The following PTPRD variants were observed in gnomAD, a reference collection of about 807,000 sequenced individuals.
PTPRD encodes protein tyrosine phosphatase receptor type D, also known as receptor-type tyrosine-protein phosphatase delta.
A neutral mutation model predicts 214.5 loss-of-function variants in PTPRD; 34 were observed. That is an observed-to-expected ratio of 0.16 (90% CI 0.12 to 0.21). The LOEUF is 0.21. Ranked by LOEUF, PTPRD falls within the 10% of genes least tolerant of loss-of-function variation. PTPRD has a pLI of 1.00. For synonymous variants in PTPRD, 1,128 were observed against 845.7 expected (o/e 1.33, Z -5.79); for missense variants, 2,545 against 2,398.7 (o/e 1.06, Z -1.27).
chr9:8,880,329 A>T (rs899644359), intron 11 of PTPRD, among the ~76,000 whole-genome samples: 3 of 152,158 alleles, frequency 2.0e-5, no homozygotes, highest in Non-Finnish European at 4.4e-5. Context: ...GGTTTTTCTG[A>T]GGAAGGCTTC....
rs1326721044 is a variant in PTPRD, at chr9:9,998,121, A to ATATAT, written c.-472+35596_-472+35597insATATA. Among the ~76,000 whole-genome samples the ATATAT allele has an allele frequency of 2.1e-3, 104 of 50,236 alleles. No homozygotes were observed. In the South Asian group the frequency reaches 0.022, roughly 10 times the overall value. The allele number at this position is 50,236 out of a possible 152,430, so 33.0% of individuals were successfully genotyped here. On this transcript the variant is annotated intron_variant, in intron 4 of 45. Transcript: ENST00000381196. ...CCTAGAACTTAAAGTATAATAAAAA[A>ATATAT]AAAAAAAAATATATATATATATATA...
intron 2 of PTPRD, among the ~76,000 whole-genome samples, chr9:10,428,412 T>C (rs2154519708): frequency 6.6e-6 from 1 of 151,768 alleles, no homozygotes; most frequent in Non-Finnish European, 1.5e-5. Flanking sequence ...CTGTTTAAAA[T>C]TAATAAGCTA....
At chr9:9,416,179 T>A (rs1305021675) in intron 8 of PTPRD, among the ~76,000 whole-genome samples, 2 of 152,148 alleles carry the variant, frequency 1.3e-5, no homozygotes, top group Admixed American at 6.5e-5. Flanking sequence ...TGAATCAACT[T>A]CCCAACTCAT....
intron 7 of PTPRD, among the ~76,000 whole-genome samples, chr9:9,713,380 A>G (rs917445948): frequency 5.9e-5 from 9 of 152,212 alleles, no homozygotes; most frequent in Admixed American, 2.0e-4. Context: ...TCGTCCTCTT[A>G]GATATCTAGA....
intron 2 of PTPRD, among the ~76,000 whole-genome samples, chr9:10,465,032 TAA>T (rs946029203): frequency 1.3e-5 from 2 of 152,158 alleles, no homozygotes; most frequent in African/African-American, 4.8e-5. Flanking sequence ...CCTGCTAATT[TAA>T]AAGACAGAGC....
At position 8,777,432 on chromosome 9, in the gene PTPRD, C is replaced by T. The variant is rs1167208493; in HGVS notation, c.-103-43486G>A. Among the ~76,000 whole-genome samples, 5 of 152,038 alleles carry T rather than the reference C, an allele frequency of 3.3e-5. No individual in the cohort carries two copies. In the East Asian group the frequency reaches 5.8e-4, roughly 18 times the overall value. ...AGTAGTTAACAGCAAGACATTTTTA[C>T]GTAATTTTGAAAGTAGTTGCCATAC... is the stretch of plus-strand genomic sequence containing the variant. On this transcript the variant is annotated intron_variant, in intron 11 of 45. Transcript: ENST00000381196.
intron 2 of PTPRD, among the ~76,000 whole-genome samples, chr9:10,508,141 G>A (rs1051851387): frequency 2.0e-5 from 3 of 152,184 alleles, no homozygotes; most frequent in African/African-American, 7.2e-5. Context: ...TGAAGGATAT[G>A]AACAGACACT....
intron 3 of PTPRD, among the ~76,000 whole-genome samples, chr9:10,194,111 A>T (rs2099386249): frequency 6.6e-6 from 1 of 152,026 alleles, no homozygotes; most frequent in Admixed American, 6.6e-5. Context: ...ACAATTTTGG[A>T]GGAATAAAAT....
intron 2 of PTPRD, among the ~76,000 whole-genome samples, chr9:10,408,439 A>C (rs2098399400): frequency 6.6e-6 from 1 of 151,708 alleles, no homozygotes; most frequent in Non-Finnish European, 1.5e-5. Flanking sequence ...GTAAATTTCA[A>C]AGATGGTGCA....
chr9:10,104,738 C>T (rs1032656529), intron 3 of PTPRD, among the ~76,000 whole-genome samples: 3 of 151,790 alleles, frequency 2.0e-5, no homozygotes, highest in Non-Finnish European at 2.9e-5. Context: ...AAAGTCAATA[C>T]AGTAAAATGG....
At chr9:8,888,459 T>C (rs767962179) in intron 11 of PTPRD, among the ~76,000 whole-genome samples, 66 of 152,060 alleles carry the variant, frequency 4.3e-4, no homozygotes, top group Non-Finnish European at 7.6e-4. Flanking sequence ...AAAGGTAACA[T>C]GAAATAAACT....
At chr9:9,636,727 T>C (rs1393779066) in intron 7 of PTPRD, among the ~76,000 whole-genome samples, 2 of 152,238 alleles carry the variant, frequency 1.3e-5, no homozygotes, top group Non-Finnish European at 2.9e-5. Flanking sequence ...AAGATTTCAA[T>C]ATATTTAGTT....
At chr9:9,328,618 C>CTCTTTTTTTTTTTTT (rs2041038801) in intron 9 of PTPRD, among the ~76,000 whole-genome samples, 1 of 28,214 alleles carries the variant, frequency 3.5e-5, no homozygotes, top group African/African-American at 1.3e-4. Flanking sequence ...GTTGTTCTTG[C>CTCTTTTTTTTTTTTT]TTTTTTTTTT....
intron 2 of PTPRD, among the ~76,000 whole-genome samples, chr9:10,486,030 T>G (rs1164343179): frequency 1.1e-4 from 6 of 55,804 alleles, no homozygotes; most frequent in African/African-American, 3.7e-4. Context: ...CTTTTTGATG[T>G]TTTTTTTTTT....
intron 10 of PTPRD, among the ~76,000 whole-genome samples, chr9:9,074,883 T>A (rs1399417375): frequency 6.6e-6 from 1 of 151,806 alleles, no homozygotes; most frequent in Non-Finnish European, 1.5e-5. Flanking sequence ...GAAATTACAA[T>A]TTAGTTTGGG....
intron 2 of PTPRD, among the ~76,000 whole-genome samples, chr9:10,524,289 T>C (rs1590055630): frequency 6.6e-6 from 1 of 152,186 alleles, no homozygotes; most frequent in East Asian, 1.9e-4. Flanking sequence ...TTTACATTTG[T>C]TCCGAGGCAG....
chr9:9,202,843 G>C (rs1260088456), intron 9 of PTPRD, among the ~76,000 whole-genome samples: 1 of 152,086 alleles, frequency 6.6e-6, no homozygotes, highest in East Asian at 1.9e-4. Context: ...ATTTACTTAA[G>C]AGTGCTTTTC....
intron 12 of PTPRD, among the ~76,000 whole-genome samples, chr9:8,666,956 T>C (rs981658658): frequency 2.6e-5 from 4 of 152,208 alleles, no homozygotes; most frequent in African/African-American, 4.8e-5. Context: ...GACACAAGCA[T>C]TGTGGCTTGT....
At chr9:8,662,761 C>T (rs1382992960) in intron 12 of PTPRD, among the ~76,000 whole-genome samples, 2 of 152,132 alleles carry the variant, frequency 1.3e-5, no homozygotes, top group African/African-American at 4.8e-5. Flanking sequence ...AAACTTTTAT[C>T]CCGTACTAAA....
Sources: allele counts gnomAD v4.1 joint callset (sites outside exome capture counted in the v4.1 genomes callset), GRCh38; gene constraint gnomAD v4.1.1; transcripts MANE v1.5; gene names NCBI Gene and HGNC (gene_info 2026-07-23, HGNC 2026-07-21).